KCNIP4: variants seen among roughly 807,000 people sequenced by gnomAD.
KCNIP4 encodes the protein Kv channel-interacting protein 4.
Under a neutral mutation model 34.0 loss-of-function variants are expected in KCNIP4, and 12 were observed. That is an observed-to-expected ratio of 0.35 (90% CI 0.23 to 0.57). KCNIP4 has a LOEUF of 0.57. KCNIP4 is among the 20% of genes least tolerant of loss of function. The pLI, the probability that KCNIP4 is intolerant of heterozygous loss-of-function variation, is 0.83. For missense variants in KCNIP4, 238 were observed against 311.7 expected (o/e 0.76, Z 1.78); for synonymous variants, 124 against 102.2 (o/e 1.21, Z -1.29).
intron 1 of KCNIP4, among the ~76,000 whole-genome samples, chr4:21,633,342 G>A (rs957399239): frequency 5.9e-5 from 9 of 152,004 alleles, no homozygotes; most frequent in Admixed American, 5.2e-4. Context: ...CATTGGATTT[G>A]GCCATAAAAC....
At chr4:21,781,379 C>T (rs997790259) in intron 1 of KCNIP4, among the ~76,000 whole-genome samples, 2 of 152,084 alleles carry the variant, frequency 1.3e-5, no homozygotes, top group Admixed American at 6.5e-5. Flanking sequence ...ATTACCCGGT[C>T]TCAGGTAGTA....
At chr4:21,583,893 A>AT (rs1278649241) in intron 1 of KCNIP4, among the ~76,000 whole-genome samples, 1 of 151,994 alleles carries the variant, frequency 6.6e-6, no homozygotes, top group Non-Finnish European at 1.5e-5. Context: ...TCATTATAAG[A>AT]TTTTTTGTGT....
intron 1 of KCNIP4, among the ~76,000 whole-genome samples, chr4:21,093,908 C>T (rs1747228875): frequency 6.6e-6 from 1 of 151,940 alleles, no homozygotes; most frequent in Non-Finnish European, 1.5e-5. Flanking sequence ...CGGTTAAACC[C>T]CATCTCTACT....
chr4:21,001,836 A>G (rs1346223642), intron 1 of KCNIP4, among the ~76,000 whole-genome samples: 1 of 152,214 alleles, frequency 6.6e-6, no homozygotes, highest in Non-Finnish European at 1.5e-5. Context: ...GACTGCTGTA[A>G]GACCCTCTTT....
intron 1 of KCNIP4, among the ~76,000 whole-genome samples, chr4:21,859,589 C>T (rs1724949764): frequency 1.3e-5 from 2 of 150,856 alleles, no homozygotes; most frequent in Admixed American, 1.3e-4. Context: ...GATCGCGCCA[C>T]TGCACTTCAG....
At chr4:21,380,765 C>A (rs1321675643) in intron 1 of KCNIP4, among the ~76,000 whole-genome samples, 1 of 151,946 alleles carries the variant, frequency 6.6e-6, no homozygotes, top group Admixed American at 6.6e-5. Flanking sequence ...TCCTATACAA[C>A]CCTCAAAACT....
chr4:21,381,198 T>C (rs1330773698), intron 1 of KCNIP4, among the ~76,000 whole-genome samples: 1 of 152,206 alleles, frequency 6.6e-6, no homozygotes, highest in Non-Finnish European at 1.5e-5. Context: ...ACTGGCTTTA[T>C]TGAAAACTCA....
chr4:20,810,432 T>C (rs952374486), intron 3 of KCNIP4, among the ~76,000 whole-genome samples: 1 of 119,244 alleles, frequency 8.4e-6, no homozygotes, highest in African/African-American at 3.3e-5. Context: ...GGAAGGGAAA[T>C]GGAAGAGTAC....
At chr4:21,272,460 A>G (rs1487464139) in intron 1 of KCNIP4, among the ~76,000 whole-genome samples, 1 of 152,168 alleles carries the variant, frequency 6.6e-6, no homozygotes, top group Non-Finnish European at 1.5e-5. Flanking sequence ...TATTAGATAG[A>G]GTTATTATTA....
chr4:21,274,295 T>C (rs13128345), intron 1 of KCNIP4, among the ~76,000 whole-genome samples: 39,032 of 152,040 alleles, frequency 0.26, 5,189 homozygotes, highest in South Asian at 0.35. Context: ...AAACTATCCT[T>C]GAATATGTTT....
At chr4:21,502,443 T>G (rs1316140146) in intron 1 of KCNIP4, among the ~76,000 whole-genome samples, 1 of 152,178 alleles carries the variant, frequency 6.6e-6, no homozygotes, top group Non-Finnish European at 1.5e-5. Context: ...AAACAATCTT[T>G]GCCATTGCCA....
At chr4:21,746,820 T>C (rs1209119734) in intron 1 of KCNIP4, among the ~76,000 whole-genome samples, 1 of 152,144 alleles carries the variant, frequency 6.6e-6, no homozygotes, top group African/African-American at 2.4e-5. Flanking sequence ...AATTTTGTTT[T>C]ATAAAATGCA....
intron 1 of KCNIP4, among the ~76,000 whole-genome samples, chr4:21,664,525 G>A (rs1043340041): frequency 6.6e-6 from 1 of 152,114 alleles, no homozygotes; most frequent in African/African-American, 2.4e-5. Context: ...ATGGCTTATG[G>A]TGAGTTAAAG....
chr4:21,726,495 G>A (rs904396553), intron 1 of KCNIP4, among the ~76,000 whole-genome samples: 1 of 152,068 alleles, frequency 6.6e-6, no homozygotes, highest in Non-Finnish European at 1.5e-5. Context: ...TAGAAAAATC[G>A]TAACAAGACA....
chr4:21,576,854 T>C (rs1740776545), intron 1 of KCNIP4, among the ~76,000 whole-genome samples: 1 of 152,150 alleles, frequency 6.6e-6, no homozygotes, highest in South Asian at 2.1e-4. Flanking sequence ...TAGACTTAAT[T>C]AGGTTAATTA....
At chr4:20,983,960 C>T (rs190080017) in intron 1 of KCNIP4, 22 of 1,533,740 alleles carry the variant, frequency 1.4e-5, no homozygotes, top group Admixed American at 2.0e-5. Context: ...GCCTCCAGAC[C>T]CCTTTGGAGT....
At chr4:21,915,823 C>A (rs1728597162) in intron 1 of KCNIP4, among the ~76,000 whole-genome samples, 1 of 152,120 alleles carries the variant, frequency 6.6e-6, no homozygotes, top group African/African-American at 2.4e-5. Flanking sequence ...TTTTATTTTG[C>A]TAGAATCGCT....
At chr4:21,496,703 G>A (rs1732878347) in intron 1 of KCNIP4, among the ~76,000 whole-genome samples, 1 of 152,320 alleles carries the variant, frequency 6.6e-6, no homozygotes. Flanking sequence ...AGCCAGAGGT[G>A]AGCGACTGGT....
intron 1 of KCNIP4, among the ~76,000 whole-genome samples, chr4:21,556,930 A>AAAAAAAAACAAAAAAAAAAC (rs71191520): frequency 4.4e-4 from 48 of 108,246 alleles, no homozygotes; most frequent in African/African-American, 1.3e-3. Context: ...CAGAAAAAAA[A>AAAAAAAAACAAAAAAAAAAC]AAAAAAAAAA....
Sources: gnomAD v4.1 joint callset for allele counts (sites outside exome capture counted in the v4.1 genomes callset) on GRCh38, gnomAD v4.1.1 for gene constraint, MANE v1.5 for transcripts, NCBI Gene and HGNC (gene_info 2026-07-23, HGNC 2026-07-21) for gene names.